The following PKHD1 variants were observed in gnomAD, a reference collection of about 807,000 sequenced individuals.
PKHD1 encodes PKHD1 ciliary IPT domain containing fibrocystin/polyductin.
A neutral mutation model predicts 412.0 loss-of-function variants in PKHD1; 291 were observed. The observed-to-expected ratio is 0.71, with a 90% confidence interval of 0.64 to 0.78. PKHD1 has a LOEUF of 0.78. Among genes scored for constraint, PKHD1 ranks in the 30% least tolerant of loss-of-function variants. PKHD1 has a pLI of 0.00. For synonymous variants in PKHD1, 1,777 were observed against 1,821.5 expected (o/e 0.98, Z 0.62); for missense variants, 4,825 against 4,950.7 (o/e 0.97, Z 0.76).
At chr6:51,941,714 T>C (rs946298787) in intron 36 of PKHD1, among the ~76,000 whole-genome samples, 27 of 151,736 alleles carry the variant, frequency 1.8e-4, no homozygotes, top group Middle Eastern at 3.4e-3. Flanking sequence ...TACTCTCCTA[T>C]CCTCAATACC....
chr6:51,633,341 C>T (rs948293864), intron 64 of PKHD1, among the ~76,000 whole-genome samples: 4 of 152,046 alleles, frequency 2.6e-5, no homozygotes, highest in South Asian at 2.1e-4. Flanking sequence ...TTTCTCACCC[C>T]ATTATTATTT....
chr6:51,887,117 A>G lies in PKHD1; in HGVS notation c.7109+16T>C, dbSNP rs1312518966. 1 of 1,494,828 alleles carries G rather than the reference A, an allele frequency of 6.7e-7. No homozygotes were observed. The highest frequency in any genetic ancestry group is 1.7e-5 in the Admixed American group (1 of 59,866). 92.6% of individuals were successfully genotyped at this position (1,494,828 alleles called of 1,614,324 possible). On this transcript the variant is annotated intron_variant, in intron 44 of 66. Coordinates refer to ENST00000371117, the MANE Select transcript of PKHD1 (RefSeq NM_138694.4). Reference sequence around the variant, plus strand: ...CATAAGACAGCCAAAACATAGATGAATTTCCCCAAAGTTACCTGGTACAAG... The same window carrying G: ...CATAAGACAGCCAAAACATAGATGAGTTTCCCCAAAGTTACCTGGTACAAG...
At chr6:51,833,507 G>C (rs1768643179) in intron 51 of PKHD1, among the ~76,000 whole-genome samples, 1 of 151,096 alleles carries the variant, frequency 6.6e-6, no homozygotes, top group African/African-American at 2.4e-5. Flanking sequence ...TTTGTGGAGA[G>C]AAAAAGAAGC....
In PKHD1 at chr6:51,649,111, G is replaced by A; in HGVS notation, c.11284C>T (p.Pro3762Ser). The A allele has an allele frequency of 6.2e-7, 1 of 1,613,794 alleles. No homozygotes were observed. The highest frequency in any genetic ancestry group is 8.5e-7 in the Non-Finnish European group (1 of 1,179,762). ...GEVGNELPVQ[P>S]QLVFLDEQNR... Reference sequence around the variant, plus strand: ...TGCTCATCCAAAAATACCAATTGTGGCTGCACTGGAAGCTCATTTCCCACT... The same window carrying A: ...TGCTCATCCAAAAATACCAATTGTGACTGCACTGGAAGCTCATTTCCCACT... The change falls in exon 62 of 67, where the codon CCA becomes TCA. Residue 3762 changes from proline (P) to serine (S), a missense_variant. Pro to Ser is a moderately conservative substitution (Grantham distance 74). Coordinates refer to ENST00000371117, the MANE Select transcript of PKHD1 (RefSeq NM_138694.4).
At position 51,744,312 on chromosome 6, in the gene PKHD1, G is replaced by A. The variant is rs1039364322; in HGVS notation, c.10156+73C>T. The A allele has an allele frequency of 4.6e-6, 6 of 1,307,724 alleles. No homozygotes were observed. In the African/African-American group the frequency reaches 5.8e-5, roughly 13 times the overall value. The allele number at this position is 1,307,724 out of a possible 1,614,324, so 81.0% of individuals were successfully genotyped here. A position where few individuals can be genotyped will look rare whatever the true frequency, so the allele number is the denominator to read the frequency against. ...TTCACCAGTACATTTCATTCTCAGT[G>A]AGCACAGCAAAACCAGCTCCTTCAC... On this transcript the variant is annotated intron_variant, in intron 60 of 66. Coordinates refer to ENST00000371117, the MANE Select transcript of PKHD1 (RefSeq NM_138694.4).
chr6:51,714,675 G>A (rs968496888), intron 60 of PKHD1, among the ~76,000 whole-genome samples: 17 of 152,242 alleles, frequency 1.1e-4, no homozygotes, highest in African/African-American at 3.9e-4. Context: ...TGGCTAGCAG[G>A]CTACCATATT....
intron 55 of PKHD1, among the ~76,000 whole-genome samples, chr6:51,771,866 C>T (rs569031244): frequency 3.3e-5 from 5 of 152,158 alleles, no homozygotes; most frequent in East Asian, 3.9e-4. Context: ...TGTGGCATCA[C>T]GATCTTCCCA....
Position 51,883,075 on chromosome 6 carries a change from C to T in PKHD1, c.7350+18G>A. On this transcript the variant is annotated intron_variant, in intron 46 of 66. Transcript: ENST00000371117. ...TGTTGTGATTGACAGCCTAAAACAA[C>T]CACACTAAGGCACTTACCTTGTGGG... The T allele has an allele frequency of 6.2e-7, 1 of 1,608,732 alleles. No homozygotes were observed. The highest frequency in any genetic ancestry group is 8.5e-7 in the Non-Finnish European group (1 of 1,175,586).
intron 43 of PKHD1, among the ~76,000 whole-genome samples, chr6:51,896,309 G>A (rs1224538805): frequency 6.6e-6 from 1 of 151,942 alleles, no homozygotes; most frequent in Non-Finnish European, 1.5e-5. Context: ...GCACGCAGCT[G>A]GAGATCTGAG....
chr6:51,892,805 C>T (rs1451054551), intron 43 of PKHD1, among the ~76,000 whole-genome samples: 1 of 152,182 alleles, frequency 6.6e-6, no homozygotes, highest in Non-Finnish European at 1.5e-5. Context: ...TCAGCTATCT[C>T]AATTTTTCTC....
intron 57 of PKHD1, among the ~76,000 whole-genome samples, chr6:51,752,881 G>C (rs2151008859): frequency 6.6e-6 from 1 of 152,272 alleles, no homozygotes; most frequent in Non-Finnish European, 1.5e-5. Flanking sequence ...AAGAGTAACA[G>C]AAATTCAGGA....
At chr6:51,680,402 A>C (rs1776487615) in intron 60 of PKHD1, among the ~76,000 whole-genome samples, 1 of 152,052 alleles carries the variant, frequency 6.6e-6, no homozygotes, top group Non-Finnish European at 1.5e-5. Flanking sequence ...AGGTGTTTAC[A>C]CTTTATCATA....
Position 52,048,593 on chromosome 6 carries a change from T to C in PKHD1, c.2306A>G (p.Glu769Gly), listed in dbSNP as rs754410222. ...CGTCACCAGGACCAGTCCAGATCCC[T>C]CTTCTGTTCCTTCAGTGGGCACAGA... is the stretch of plus-strand genomic sequence containing the variant. ...ARSVPTEGTE[E>G]GSGLVLVTTQ... Residue 769 changes from glutamate (E) to glycine (G), a missense_variant, in exon 23 of 67, where the codon GAG becomes GGG. Physicochemically the swap from Glu to Gly is moderately conservative, Grantham distance 98 (BLOSUM62 -2). Coordinates refer to ENST00000371117, the MANE Select transcript of PKHD1 (RefSeq NM_138694.4). 6.2e-7 allele frequency: 1 copy of C among 1,613,938 alleles called. No individual in the cohort carries two copies. Among genetic ancestry groups the C allele is most frequent in the Non-Finnish European group, 8.5e-7 (1 of 1,179,928 alleles).
chr6:52,072,050 T>A, intron 8 of PKHD1, 65 bp downstream of exon 8: 1 of 890,620 alleles, frequency 1.1e-6, no homozygotes, highest in Non-Finnish European at 1.9e-6. Flanking sequence ...AGAGAATGTG[T>A]GTGTGTTGTA....
rs574693973 is a variant in PKHD1, at chr6:52,027,881, G to C, written c.3576C>G (p.Ile1192Met). The change falls in exon 31 of 67, where the codon ATC (isoleucine) becomes ATG (methionine). Residue 1192 changes from isoleucine (I) to methionine (M), a missense_variant. By Grantham distance (10) the Ile-to-Met change is conservative. Coordinates refer to ENST00000371117, the MANE Select transcript of PKHD1 (RefSeq NM_138694.4). ...SIHSQGVDLH[I>M]QYLTEVFSIE... ...TGCTGAAAACTTCTGTGAGGTACTG[G>C]ATGTGGAGATCAACCCTACAGAAGA... 1.2e-6 allele frequency: 2 copies of C among 1,612,818 alleles called. No homozygotes were observed. The highest frequency in any genetic ancestry group is 4.5e-5 in the East Asian group (2 of 44,880).
chr6:51,910,923 C>G, intron 39 of PKHD1, among the ~76,000 whole-genome samples: 1 of 151,450 alleles, frequency 6.6e-6, no homozygotes, highest in East Asian at 1.9e-4. Context: ...TATTTAGACA[C>G]AACTCAAATC....
chr6:51,677,062 G>T (rs1775968491), intron 60 of PKHD1, among the ~76,000 whole-genome samples: 1 of 152,032 alleles, frequency 6.6e-6, no homozygotes, highest in Non-Finnish European at 1.5e-5. Flanking sequence ...TAATTATTAT[G>T]AAAAAGATAT....
intron 7 of PKHD1, among the ~76,000 whole-genome samples, chr6:52,072,882 T>G (rs1810837223): frequency 6.6e-6 from 1 of 152,202 alleles, no homozygotes; most frequent in Non-Finnish European, 1.5e-5. Context: ...TCCTACAGCC[T>G]CTACAATTTC....
chr6:52,079,694 C>T (rs764156790), intron 5 of PKHD1, among the ~76,000 whole-genome samples: 1 of 152,178 alleles, frequency 6.6e-6, no homozygotes, highest in Non-Finnish European at 1.5e-5. Flanking sequence ...AAATGATGTA[C>T]ATAAAGCATT....
Sources: allele counts gnomAD v4.1 joint callset (sites outside exome capture counted in the v4.1 genomes callset), GRCh38; gene constraint gnomAD v4.1.1; transcripts MANE v1.5; gene names NCBI Gene and HGNC (gene_info 2026-07-23, HGNC 2026-07-21).